CSMD1: variants seen among roughly 807,000 people sequenced by gnomAD.
The protein encoded by CSMD1 is CUB and sushi domain-containing protein 1.
In CSMD1, 213 loss-of-function variants were observed where a neutral mutation model predicts 417.5. The ratio of observed to expected loss-of-function variants is 0.51; its 90% CI spans 0.46 to 0.57. The LOEUF is 0.57. CSMD1 is among the 20% of genes least tolerant of loss of function. The probability of loss-of-function intolerance (pLI) is 0.00; values close to 1 mark genes in which losing one functional copy is unlikely to be tolerated. For missense variants in CSMD1, 6,923 were observed against 4,529.7 expected, an observed-to-expected ratio of 1.53 and a Z score of -15.17; for synonymous variants, 2,862 against 1,736.8, an observed-to-expected ratio of 1.65 and a Z score of -16.11.
At chr8:4,145,536 G>A (rs1332354491) in intron 3 of CSMD1, among the ~76,000 whole-genome samples, 2 of 150,920 alleles carry the variant, frequency 1.3e-5, no homozygotes, top group South Asian at 2.1e-4. Context: ...ATCCCATTCA[G>A]AATTTCTTTA....
At chr8:3,039,643 A>G (rs1354098026) in intron 50 of CSMD1, among the ~76,000 whole-genome samples, 1 of 152,138 alleles carries the variant, frequency 6.6e-6, no homozygotes, top group Non-Finnish European at 1.5e-5. Context: ...TTGAGATTAT[A>G]AGCCCTAAAT....
chr8:3,302,464 A>G (rs554059987), intron 25 of CSMD1, among the ~76,000 whole-genome samples: 1 of 152,134 alleles, frequency 6.6e-6, no homozygotes, highest in Non-Finnish European at 1.5e-5. Flanking sequence ...AATTCCATTT[A>G]TGTGTGATTT....
chr8:3,882,838 C>T (rs1421881751), intron 5 of CSMD1, among the ~76,000 whole-genome samples: 1 of 152,160 alleles, frequency 6.6e-6, no homozygotes, highest in Admixed American at 6.5e-5. Flanking sequence ...TTAGTCAATG[C>T]TGTCAGAAGC....
chr8:3,272,990 G>C (rs1377255260), intron 26 of CSMD1, among the ~76,000 whole-genome samples: 2 of 150,896 alleles, frequency 1.3e-5, no homozygotes, highest in East Asian at 3.9e-4. Flanking sequence ...TGGTGAGAGA[G>C]GGCATCCCTG....
chr8:4,181,549 G>C (rs1036898227), intron 3 of CSMD1, among the ~76,000 whole-genome samples: 41 of 152,064 alleles, frequency 2.7e-4, no homozygotes, highest in Non-Finnish European at 5.6e-4. Context: ...TTATGAATTT[G>C]TGTTTGGCCA....
At chr8:3,571,723 G>C (rs527866067) in intron 10 of CSMD1, among the ~76,000 whole-genome samples, 57 of 151,938 alleles carry the variant, frequency 3.8e-4, no homozygotes, top group Admixed American at 6.5e-4. Context: ...CTCCGTCCCT[G>C]TGCTGGAAGG....
chr8:3,899,596 A>G (rs569601967), intron 5 of CSMD1, among the ~76,000 whole-genome samples: 68 of 152,332 alleles, frequency 4.5e-4, no homozygotes, highest in East Asian at 1.9e-3. Flanking sequence ...TCAAGGATCA[A>G]TATAGCTCCA....
chr8:4,431,426 T>G (rs552576617), intron 2 of CSMD1, among the ~76,000 whole-genome samples: 2 of 151,966 alleles, frequency 1.3e-5, no homozygotes, highest in East Asian at 1.9e-4. Flanking sequence ...AGGAACAAGG[T>G]GAGAGGAGAG....
In CSMD1 at chr8:2,963,274, G is replaced by C. The variant is rs199731875; in HGVS notation, c.9402C>G (p.Ile3134Met). 6.2e-7 allele frequency: 1 copy of C among 1,613,966 alleles called. No homozygotes were observed. Among genetic ancestry groups the C allele is most frequent in the Non-Finnish European group, 8.5e-7 (1 of 1,179,878 alleles). The change falls in exon 60 of 70, where the codon ATC becomes ATG. Residue 3134 changes from isoleucine (I) to methionine (M), a missense_variant. Transcript: ENST00000635120. ...ACACCCCGCGACCTTCACAGGAGAG[G>C]ATGGCGGAGTGAGAGAGCTGGTAAC... is the stretch of plus-strand genomic sequence containing the variant. The part of the protein sequence containing the change: ...MDGYQLSHSA[I>M]LSCEGRGVWK...
intron 5 of CSMD1, among the ~76,000 whole-genome samples, chr8:3,925,540 A>T (rs971016294): frequency 3.3e-5 from 5 of 152,164 alleles, no homozygotes; most frequent in African/African-American, 4.8e-5. Flanking sequence ...CAGAATTCCC[A>T]GGTGTTGTGA....
chr8:4,736,309 T>A (rs1810230416), intron 1 of CSMD1, among the ~76,000 whole-genome samples: 1 of 152,160 alleles, frequency 6.6e-6, no homozygotes, highest in African/African-American at 2.4e-5. Flanking sequence ...CAGGAAAATT[T>A]AGGTAGTTGA....
chr8:4,304,069 T>C (rs980925131), intron 3 of CSMD1, among the ~76,000 whole-genome samples: 1 of 152,156 alleles, frequency 6.6e-6, no homozygotes, highest in African/African-American at 2.4e-5. Flanking sequence ...AAAGCCTCGA[T>C]GAAACCCTTG....
intron 1 of CSMD1, among the ~76,000 whole-genome samples, chr8:4,701,415 C>G (rs1464918962): frequency 6.6e-6 from 1 of 151,778 alleles, no homozygotes; most frequent in African/African-American, 2.4e-5. Flanking sequence ...TTACTTTGTC[C>G]TGTGCCTGAA....
At chr8:3,761,500 A>AT (rs57655479) in intron 5 of CSMD1, among the ~76,000 whole-genome samples, 26,536 of 93,704 alleles carry the variant, frequency 0.28, 4,404 homozygotes, top group Non-Finnish European at 0.36. Context: ...CAAAACGACC[A>AT]TTTTTTTTTT....
intron 1 of CSMD1, among the ~76,000 whole-genome samples, chr8:4,965,660 A>G (rs1809811162): frequency 6.6e-6 from 1 of 152,330 alleles, no homozygotes; most frequent in Middle Eastern, 3.4e-3. Flanking sequence ...ATGAAAGTAC[A>G]TGCTCTTAGT....
chr8:3,318,340 G>C (rs993416734), intron 23 of CSMD1, among the ~76,000 whole-genome samples: 3 of 152,152 alleles, frequency 2.0e-5, no homozygotes, highest in Non-Finnish European at 4.4e-5. Flanking sequence ...ATCTGGAGTA[G>C]CATATCCTCT....
At chr8:4,114,882 G>A (rs756823917) in intron 3 of CSMD1, among the ~76,000 whole-genome samples, 3 of 152,168 alleles carry the variant, frequency 2.0e-5, no homozygotes, top group Non-Finnish European at 4.4e-5. Context: ...CTTAACAGAT[G>A]AGGAATTGCT....
At chr8:4,109,941 A>T (rs1801764850) in intron 3 of CSMD1, among the ~76,000 whole-genome samples, 2 of 152,146 alleles carry the variant, frequency 1.3e-5, no homozygotes, top group African/African-American at 2.4e-5. Context: ...AGATCATGAC[A>T]ATTTGGTGAA....
intron 5 of CSMD1, among the ~76,000 whole-genome samples, chr8:3,861,089 T>A (rs796854356): frequency 6.6e-6 from 1 of 152,142 alleles, no homozygotes; most frequent in South Asian, 2.1e-4. Flanking sequence ...AATGCCAACT[T>A]CTAGTGAGCT....
Sources: gnomAD v4.1 joint callset for allele counts (sites outside exome capture counted in the v4.1 genomes callset) on GRCh38, gnomAD v4.1.1 for gene constraint, MANE v1.5 for transcripts, NCBI Gene and HGNC (gene_info 2026-07-23, HGNC 2026-07-21) for gene names.